The following NFIB variants were observed in gnomAD, a reference collection of about 807,000 sequenced individuals.
NFIB encodes the protein nuclear factor 1 B-type.
In NFIB, 11 loss-of-function variants were observed where a neutral mutation model predicts 61.5. The ratio of observed to expected loss-of-function variants is 0.18; its 90% confidence interval spans 0.11 to 0.30. The LOEUF (loss-of-function observed/expected upper bound fraction) is 0.30. NFIB is among the 10% of genes least tolerant of loss of function. NFIB has a pLI of 1.00. For missense variants in NFIB, 471 were observed against 608.9 expected (o/e 0.77, Z 2.38); for synonymous variants, 260 against 216.5 (o/e 1.20, Z -1.76).
At chr9:14,336,974 A>AT (rs1295662572) in intron 1 of NFIB, among the ~76,000 whole-genome samples, 7 of 152,176 alleles carry the variant, frequency 4.6e-5, no homozygotes, top group African/African-American at 1.7e-4. Context: ...ATAAAACTTT[A>AT]TATATGGATA....
At chr9:14,297,623 C>T (rs768030502) in intron 2 of NFIB, among the ~76,000 whole-genome samples, 6 of 152,176 alleles carry the variant, frequency 3.9e-5, no homozygotes, top group South Asian at 2.1e-4. Context: ...CAGGTTCTAG[C>T]GCCTGTAGCA....
intron 1 of NFIB, among the ~76,000 whole-genome samples, chr9:14,395,536 A>T (rs1392602990): frequency 6.6e-6 from 1 of 151,868 alleles, no homozygotes; most frequent in Non-Finnish European, 1.5e-5. Context: ...CCCCACAAAT[A>T]TAAAGCTCCC....
At chr9:14,144,822 C>A (rs7042365) in intron 6 of NFIB, among the ~76,000 whole-genome samples, 37,329 of 152,008 alleles carry the variant, frequency 0.25, 5,559 homozygotes, top group African/African-American at 0.4. Flanking sequence ...GAAGAGTTAG[C>A]AGAGCATTCC....
At chr9:14,198,769 T>C (rs2048714810) in intron 2 of NFIB, among the ~76,000 whole-genome samples, 1 of 152,192 alleles carries the variant, frequency 6.6e-6, no homozygotes, top group Non-Finnish European at 1.5e-5. Flanking sequence ...TGCTGATGCT[T>C]GCTCACAGAC....
Position 14,232,777 on chromosome 9 carries a change from TATA to T in NFIB, c.563-53000_563-52998del, listed in dbSNP as rs576416630. Among the ~76,000 whole-genome samples the T allele has an allele frequency of 4.4e-4, 67 of 152,354 alleles. 1 individual carries two copies. In the South Asian group the frequency reaches 0.013, roughly 30 times the overall value. On this transcript the variant is annotated intron_variant, in intron 2 of 10. Transcript: ENST00000380953. ...AGAATCCTAAAGTGTAGCAAGTTCT[TATA>T]ATGAGTTGAACTATTTAACTTATTT...
the NFIB span, among the ~76,000 whole-genome samples, chr9:14,425,605 TA>T: frequency 3.8e-5 from 5 of 130,676 alleles, no homozygotes; most frequent in African/African-American, 1.1e-4. Flanking sequence ...CATTGCTACA[TA>T]ATTTTTTTTT....
chr9:14,457,121 G>T, the NFIB span, among the ~76,000 whole-genome samples: 1 of 152,058 alleles, frequency 6.6e-6, no homozygotes. Context: ...ATCTTAAAAA[G>T]GCTAACAGAG....
At chr9:14,207,844 T>C (rs2049903788) in intron 2 of NFIB, among the ~76,000 whole-genome samples, 1 of 152,120 alleles carries the variant, frequency 6.6e-6, no homozygotes, top group African/African-American at 2.4e-5. Flanking sequence ...CCGTTTCCAT[T>C]GCCACCTGAA....
chr9:14,393,372 CTTCA>C (rs1229535816), intron 1 of NFIB, among the ~76,000 whole-genome samples: 2 of 152,180 alleles, frequency 1.3e-5, no homozygotes, highest in Non-Finnish European at 2.9e-5. Flanking sequence ...ATTCCTTCTA[CTTCA>C]TTCATTAAGC....
chr9:14,499,180 C>G, the NFIB span, among the ~76,000 whole-genome samples: 1 of 151,988 alleles, frequency 6.6e-6, no homozygotes, highest in Non-Finnish European at 1.5e-5. Context: ...TTTTTTTCTT[C>G]TAGTGAGCCA....
chr9:14,226,979 A>T (rs2052505505), intron 2 of NFIB, among the ~76,000 whole-genome samples: 1 of 123,942 alleles, frequency 8.1e-6, no homozygotes, highest in African/African-American at 3.2e-5. Context: ...GTCTCTAATA[A>T]ATACAAAAAA....
chr9:14,430,465 G>C, the NFIB span, among the ~76,000 whole-genome samples: 2 of 152,168 alleles, frequency 1.3e-5, no homozygotes, highest in African/African-American at 2.4e-5. Flanking sequence ...AACTACAGTT[G>C]TCAAAGCCAT....
At chr9:14,229,412 A>G (rs1248541132) in intron 2 of NFIB, among the ~76,000 whole-genome samples, 1 of 152,196 alleles carries the variant, frequency 6.6e-6, no homozygotes, top group Admixed American at 6.5e-5. Flanking sequence ...AAATTCATTC[A>G]TTCAGTAGAC....
chr9:14,344,213 G>C (rs1283425979), intron 1 of NFIB, among the ~76,000 whole-genome samples: 1 of 151,866 alleles, frequency 6.6e-6, no homozygotes, highest in African/African-American at 2.4e-5. Flanking sequence ...TACATAGCCA[G>C]ACCCCAAGAG....
chr9:14,360,108 C>T (rs2061220990), intron 1 of NFIB, among the ~76,000 whole-genome samples: 1 of 152,112 alleles, frequency 6.6e-6, no homozygotes, highest in Non-Finnish European at 1.5e-5. Flanking sequence ...TTAAATGAGG[C>T]ATAACTAAAA....
chr9:14,459,786 A>C, the NFIB span, among the ~76,000 whole-genome samples: 2 of 151,940 alleles, frequency 1.3e-5, no homozygotes, highest in African/African-American at 2.4e-5. Context: ...ATCACTGGCC[A>C]TCAGAGAAAT....
At chr9:14,508,991 G>A in the NFIB span, among the ~76,000 whole-genome samples, 1 of 152,184 alleles carries the variant, frequency 6.6e-6, no homozygotes, top group South Asian at 2.1e-4. Flanking sequence ...GAATGAAGGT[G>A]TAAAGACATA....
At chr9:14,114,274 G>A (rs77375125) in intron 9 of NFIB, among the ~76,000 whole-genome samples, 3,245 of 152,216 alleles carry the variant, frequency 0.021, 116 homozygotes, top group African/African-American at 0.072. Context: ...AGCAACCAGT[G>A]ACCCCTACTC....
chr9:14,097,627 TACAC>T (rs759478139), intron 10 of NFIB, among the ~76,000 whole-genome samples: 12 of 151,956 alleles, frequency 7.9e-5, no homozygotes, highest in African/African-American at 2.9e-4. Context: ...ACACACTACA[TACAC>T]ACACACATAT....
Sources: gnomAD v4.1 joint callset for allele counts (sites outside exome capture counted in the v4.1 genomes callset) on GRCh38, gnomAD v4.1.1 for gene constraint, MANE v1.5 for transcripts, NCBI Gene and HGNC (gene_info 2026-07-23, HGNC 2026-07-21) for gene names.